EBNA1BP2: variants seen among roughly 807,000 people sequenced by gnomAD.
The protein encoded by EBNA1BP2 is EBNA1 binding protein 2.
Under a neutral mutation model 43.5 loss-of-function variants are expected in EBNA1BP2, and 36 were observed. That is an observed-to-expected ratio of 0.83 (90% CI 0.63 to 1.09). The LOEUF (loss-of-function observed/expected upper bound fraction) is 1.09, where lower values mean the gene tolerates loss of function less well. Ranked by LOEUF, EBNA1BP2 falls within the 50% of genes least tolerant of loss-of-function variation. The pLI is 0.00. For missense variants in EBNA1BP2, 332 were observed against 379.1 expected, an observed-to-expected ratio of 0.88 and a Z score of 1.03; for synonymous variants, 127 against 141.3, an observed-to-expected ratio of 0.90 and a Z score of 0.72.
intron 7 of EBNA1BP2, among the ~76,000 whole-genome samples, chr1:43,166,249 C>G (rs942265342): frequency 6.6e-6 from 1 of 152,192 alleles, no homozygotes; most frequent in Non-Finnish European, 1.5e-5. Flanking sequence ...AACTCTCAAC[C>G]ATCGCACTGT....
intron 5 of EBNA1BP2, 102 bp from the exon 6 acceptor site, chr1:43,167,337 A>C (rs1009515139): frequency 1.8e-6 from 2 of 1,111,530 alleles, no homozygotes; most frequent in African/African-American, 1.5e-5. Context: ...CTACCCTCTG[A>C]CATTTACTAC....
intron 7 of EBNA1BP2, among the ~76,000 whole-genome samples, chr1:43,166,009 T>C (rs1033150160): frequency 2.0e-5 from 3 of 152,164 alleles, no homozygotes; most frequent in African/African-American, 7.2e-5. Flanking sequence ...GCACTTACTA[T>C]CTTACATGGA....
chr1:43,171,275 G>T, intron 3 of EBNA1BP2: 1 of 607,914 alleles, frequency 1.6e-6, no homozygotes, highest in Non-Finnish European at 2.6e-6. Context: ...TTTCAAATTA[G>T]CCCATAAAGT....
chr1:43,167,113 C>G, intron 6 of EBNA1BP2, 47 bp downstream of exon 6: 1 of 1,595,370 alleles, frequency 6.3e-7, no homozygotes, highest in Non-Finnish European at 8.6e-7. Flanking sequence ...TTCAAATCAA[C>G]TCTAAAGTAC....
upstream of EBNA1BP2, chr1:43,172,434 G>C: frequency 1.3e-6 from 2 of 1,549,830 alleles, no homozygotes; most frequent in South Asian, 1.2e-5. Context: ...GTGGTCTGCT[G>C]ACCCAGAGAG....
Position 43,167,102 on chromosome 1 carries a change from G to A in EBNA1BP2, c.613+58C>T, listed in dbSNP as rs367893004. The A allele has an allele frequency of 1.5e-4, 240 of 1,577,442 alleles. 3 individuals are homozygous for A. In the African/African-American group the frequency reaches 3.1e-3, roughly 20 times the overall value. ...CCAAGAAGGCTCCAAAGCACTAAGT[G>A]TTCAAATCAACTCTAAAGTACCTGC... On this transcript the variant is annotated intron_variant, in intron 6 of 8. Transcript: ENST00000236051.
chr1:43,164,598 G>A (rs891837300), intron 8 of EBNA1BP2, 45 bp downstream of exon 8: 4 of 1,613,656 alleles, frequency 2.5e-6, no homozygotes, highest in Admixed American at 3.3e-5. Context: ...GGAGTGGGAG[G>A]GGAGGCTGAG....
chr1:43,165,059 A>G (rs923212237), intron 7 of EBNA1BP2, among the ~76,000 whole-genome samples: 10 of 152,154 alleles, frequency 6.6e-5, no homozygotes, highest in Admixed American at 3.3e-4. Context: ...CATATATTAC[A>G]TGGCTTCCTG....
chr1:43,166,899 A>C lies in EBNA1BP2; in HGVS notation c.634T>G (p.Phe212Val). 1 of 1,612,838 alleles carries C rather than the reference A, an allele frequency of 6.2e-7. No individual in the cohort carries two copies. The highest frequency in any genetic ancestry group is 8.5e-7 in the Non-Finnish European group (1 of 1,179,700). Residue 212 changes from phenylalanine (F) to valine (V), a missense_variant, in exon 7 of 9, where the codon TTC (phenylalanine) becomes GTC (valine). This residue lies in a region of EBNA1BP2 where 91 missense variants were observed against 152.1 expected (regional missense o/e 0.60). Coordinates refer to ENST00000236051, the MANE Select transcript of EBNA1BP2 (RefSeq NM_006824.3). ...AGAGGTTTCTGATCTCCCTCAAGGA[A>C]ATCCAGTTTATCAGAGAAGCCTGTA... ...YQKGFSDKLD[F>V]LEGDQKPLAQ...
intron 3 of EBNA1BP2, chr1:43,171,250 G>C: frequency 1.8e-6 from 1 of 559,620 alleles, no homozygotes; most frequent in Non-Finnish European, 2.9e-6. Flanking sequence ...TGCACAAAAA[G>C]TTTTAACATG....
chr1:43,172,540 G>T (rs1265342283), upstream of EBNA1BP2: 2 of 1,201,412 alleles, frequency 1.7e-6, no homozygotes, highest in East Asian at 2.7e-5. Flanking sequence ...CCGCGGGGGT[G>T]GGGTGGCGCG....
intron 3 of EBNA1BP2, chr1:43,171,256 A>G (rs1005288910): frequency 2.1e-5 from 12 of 572,586 alleles, no homozygotes; most frequent in Non-Finnish European, 2.8e-5. Flanking sequence ...AAAAGTTTTA[A>G]CATGAATATT....
chr1:43,169,088 A>G lies in EBNA1BP2; in HGVS notation c.448-60T>C. On this transcript the variant is annotated intron_variant, in intron 4 of 8. Transcript: ENST00000236051. ...GAATCTGGAATGACCACTACTTAGG[A>G]TTCGCTAGAGCAGGGAACAGATATT... 10 of 1,543,254 alleles carry G rather than the reference A, an allele frequency of 6.5e-6. No individual in the cohort carries two copies. In the South Asian group the frequency reaches 1.0e-4, roughly 15 times the overall value.
At position 43,168,964 on chromosome 1, in the gene EBNA1BP2, C is replaced by A; in HGVS notation, c.512G>T (p.Arg171Leu). Reference sequence around the variant, plus strand: ...CTTCTTCCCGTATTTCCTAAGTGCTCGCAGTTGCTTAGCTTTTTCAGACCT... The same window carrying A: ...CTTCTTCCCGTATTTCCTAAGTGCTAGCAGTTGCTTAGCTTTTTCAGACCT... ...MERSEKAKQL[R>L]ALRKYGKKVQ... The change falls in exon 5 of 9, where the codon CGA becomes CTA. Residue 171 changes from arginine to leucine, a missense_variant. Physicochemically the swap from Arg to Leu is moderately radical, Grantham distance 102. Transcript: ENST00000236051. The A allele has an allele frequency of 6.2e-7, 1 of 1,614,090 alleles. No homozygotes were observed. The highest frequency in any genetic ancestry group is 8.5e-7 in the Non-Finnish European group (1 of 1,180,002).
At chr1:43,171,212 T>C (rs1002075195) in intron 3 of EBNA1BP2, 11 of 479,214 alleles carry the variant, frequency 2.3e-5, no homozygotes, top group Middle Eastern at 5.4e-4. Flanking sequence ...GCAATGTTTG[T>C]TTGTTTGTTT....
chr1:43,170,616 T>C, intron 4 of EBNA1BP2, 140 bp downstream of exon 4: 1 of 1,258,716 alleles, frequency 7.9e-7, no homozygotes, highest in Non-Finnish European at 1.1e-6. Context: ...GACTCTGAAG[T>C]AGCCAATCTA....
rs1417560009 is a variant in EBNA1BP2, at chr1:43,167,167, A to G, written c.606T>C (p.Tyr202=). The part of the protein sequence containing the change: ...KAHMMNAIKK[Y]QKGFSDKLDF... Reference sequence around the variant, plus strand: ...TATTAGAGATGTACCAACCTTTCTGATATTTCTTAATAGCATTCATCATAT... The same window carrying G: ...TATTAGAGATGTACCAACCTTTCTGGTATTTCTTAATAGCATTCATCATAT... Residue 202 remains tyrosine (Y), a synonymous_variant, in exon 6 of 9, where the codon TAT becomes TAC. Coordinates refer to ENST00000236051, the MANE Select transcript of EBNA1BP2 (RefSeq NM_006824.3). 1 of 1,614,096 alleles carries G rather than the reference A, an allele frequency of 6.2e-7. No homozygotes were observed. The highest frequency in any genetic ancestry group is 8.5e-7 in the Non-Finnish European group (1 of 1,179,996).
At chr1:43,167,598 A>T (rs1644926891) in intron 5 of EBNA1BP2, among the ~76,000 whole-genome samples, 1 of 152,182 alleles carries the variant, frequency 6.6e-6, no homozygotes, top group South Asian at 2.1e-4. Context: ...AACTGAAGTA[A>T]ATCATGTTTA....
chr1:43,170,806 G>A lies in EBNA1BP2; in HGVS notation c.397C>T (p.Pro133Ser), dbSNP rs1373221237. 1 of 1,607,906 alleles carries A rather than the reference G, an allele frequency of 6.2e-7. No homozygotes were observed. The highest frequency in any genetic ancestry group is 1.1e-5 in the South Asian group (1 of 89,774). ...LHQLKVPTKR[P>S]TDYFAEMAKS... The stretch of plus-strand genomic sequence containing the variant: ...GCCATTTCCGCAAAATAATCAGTGG[G>A]TCGCTTCGTAGGGACTTTGAGCTGA... Residue 133 changes from proline to serine, a missense_variant, in exon 4 of 9, where the codon CCC (proline) becomes TCC (serine). Coordinates refer to ENST00000236051, the MANE Select transcript of EBNA1BP2 (RefSeq NM_006824.3).
Sources: gnomAD v4.1 joint callset for allele counts (sites outside exome capture counted in the v4.1 genomes callset) on GRCh38, gnomAD v4.1.1 for gene constraint, gnomAD v4.1.1 regional missense constraint, MANE v1.5 for transcripts, NCBI Gene and HGNC (gene_info 2026-07-23, HGNC 2026-07-21) for gene names.